SUCLG2: variants seen among roughly 807,000 people sequenced by gnomAD.
The protein encoded by SUCLG2 is succinate--CoA ligase [GDP-forming] subunit beta, mitochondrial.
Under a neutral mutation model 47.9 loss-of-function variants are expected in SUCLG2, and 42 were observed. That is an observed-to-expected ratio of 0.88 (90% CI 0.69 to 1.14). The LOEUF (loss-of-function observed/expected upper bound fraction) is 1.14, where lower values mean the gene tolerates loss of function less well. SUCLG2 is among the 50% of genes most tolerant of loss of function. SUCLG2 has a pLI of 0.00. For missense variants in SUCLG2, 571 were observed against 525.9 expected (o/e 1.09, Z -0.84); for synonymous variants, 195 against 197.3 (o/e 0.99, Z 0.10).
At chr3:67,586,790 A>G (rs185004912) in intron 2 of SUCLG2, among the ~76,000 whole-genome samples, 85 of 152,318 alleles carry the variant, frequency 5.6e-4, no homozygotes, top group Non-Finnish European at 1.0e-3. Context: ...TCAGAGATTT[A>G]AGTAACTTGT....
intron 10 of SUCLG2, among the ~76,000 whole-genome samples, chr3:67,366,740 T>TA (rs753795585): frequency 2.8e-4 from 43 of 152,144 alleles, no homozygotes; most frequent in Non-Finnish European, 5.4e-4. Context: ...AGCACTCTGT[T>TA]AGAGTTTGGG....
chr3:67,652,114 C>T (rs73836547), intron 1 of SUCLG2, among the ~76,000 whole-genome samples: 2,401 of 148,030 alleles, frequency 0.016, 64 homozygotes, highest in African/African-American at 0.057. Context: ...CCTTTAAGGA[C>T]GTACTATCAA....
At chr3:67,651,395 G>A (rs1188181778) in intron 1 of SUCLG2, among the ~76,000 whole-genome samples, 2 of 152,056 alleles carry the variant, frequency 1.3e-5, no homozygotes, top group Non-Finnish European at 2.9e-5. Context: ...TGTCTGCTCT[G>A]CCTAACACAC....
At chr3:67,511,602 G>GT (rs1705791984) in intron 6 of SUCLG2, among the ~76,000 whole-genome samples, 1 of 152,180 alleles carries the variant, frequency 6.6e-6, no homozygotes, top group Admixed American at 6.5e-5. Flanking sequence ...ATGTGGAATT[G>GT]TAAGTAAATT....
At chr3:67,545,519 A>G (rs1477474824) in intron 2 of SUCLG2, among the ~76,000 whole-genome samples, 2 of 152,188 alleles carry the variant, frequency 1.3e-5, no homozygotes, top group Non-Finnish European at 2.9e-5. Context: ...TTTGAAATCT[A>G]AGTCTATTGC....
chr3:67,438,509 AAG>A (rs961327660), intron 9 of SUCLG2, among the ~76,000 whole-genome samples: 21 of 152,182 alleles, frequency 1.4e-4, no homozygotes, highest in African/African-American at 4.6e-4. Flanking sequence ...ACTAATAAAG[AAG>A]AGAGAAGAAT....
intron 9 of SUCLG2, among the ~76,000 whole-genome samples, chr3:67,446,292 G>T (rs1170422601): frequency 5.3e-5 from 1 of 18,752 alleles, no homozygotes; most frequent in African/African-American, 1.6e-4. Context: ...GTTCATCCTT[G>T]GAAAGTGGAT....
intron 2 of SUCLG2, among the ~76,000 whole-genome samples, chr3:67,582,607 A>C (rs964511617): frequency 6.6e-6 from 1 of 152,124 alleles, no homozygotes; most frequent in African/African-American, 2.4e-5. Context: ...TGGCAGAATG[A>C]TTTACATTCC....
At position 67,654,542 on chromosome 3, in the gene SUCLG2, G is replaced by C; in HGVS notation, c.45C>G (p.Ala15=). 3 of 1,265,926 alleles carry C rather than the reference G, an allele frequency of 2.4e-6. No homozygotes were observed. The Admixed American group carries it at 1.1e-4, about 46-fold the overall frequency. 78.4% of individuals were successfully genotyped at this position (1,265,926 alleles called of 1,614,324 possible). ...VAAQAGKLLR[A]LALRPRFLAA... is the part of the protein sequence containing the mutation. Reference sequence around the variant, plus strand: ...CCAGGAAGCGGGGCCGCAGCGCTAGGGCTCGCAGAAGCTTCCCGGCCTGCG... The same window carrying C: ...CCAGGAAGCGGGGCCGCAGCGCTAGCGCTCGCAGAAGCTTCCCGGCCTGCG... The change falls in exon 1 of 11, where the codon GCC becomes GCG. Residue 15 remains alanine (A), a synonymous_variant. Transcript: ENST00000307227.
intron 9 of SUCLG2, among the ~76,000 whole-genome samples, chr3:67,434,693 A>G (rs1218275388): frequency 6.6e-6 from 1 of 152,238 alleles, no homozygotes; most frequent in African/African-American, 2.4e-5. Context: ...GATGGCAGTC[A>G]AATCTGAATA....
chr3:67,621,742 T>A (rs1700740602), intron 1 of SUCLG2, among the ~76,000 whole-genome samples: 3 of 151,920 alleles, frequency 2.0e-5, no homozygotes, highest in South Asian at 2.1e-4. Flanking sequence ...GCAGAAGAGG[T>A]CTCATCAGCA....
chr3:67,430,666 G>C (rs957165518), intron 9 of SUCLG2, among the ~76,000 whole-genome samples: 5 of 151,982 alleles, frequency 3.3e-5, no homozygotes, highest in African/African-American at 1.2e-4. Context: ...TCCAGGAGTT[G>C]GTTTTTTGAA....
intron 2 of SUCLG2, among the ~76,000 whole-genome samples, chr3:67,572,524 A>G (rs17046620): frequency 0.19 from 29,099 of 152,154 alleles, 3,092 homozygotes; most frequent in East Asian, 0.42. Flanking sequence ...ACAATTGTTC[A>G]ACAAAAGAAC....
rs148838251 is a variant in SUCLG2, at chr3:67,500,259, C to A, written c.758-1964G>T. Among the ~76,000 whole-genome samples the A allele has an allele frequency of 4.5e-3, 684 of 151,714 alleles. 12 individuals are homozygous for A. In the East Asian group the frequency reaches 0.06, roughly 13 times the overall value. ...GTATATGGCATCTTGGCGTTAGAGA[C>A]CCCAGGTAGAGGGTTTTCTCCAAGG... On this transcript the variant is annotated intron_variant, in intron 7 of 10. Transcript: ENST00000307227.
intron 9 of SUCLG2, among the ~76,000 whole-genome samples, chr3:67,449,317 T>C (rs911424877): frequency 6.6e-6 from 1 of 152,238 alleles, no homozygotes; most frequent in Non-Finnish European, 1.5e-5. Context: ...TTTGCTTTCA[T>C]AGGCTTGTGA....
At chr3:67,444,084 C>T (rs1175336372) in intron 9 of SUCLG2, among the ~76,000 whole-genome samples, 6 of 110,342 alleles carry the variant, frequency 5.4e-5, no homozygotes, top group African/African-American at 1.9e-4. Context: ...CCCGCCTGGC[C>T]AGCCGCGCCG....
chr3:67,504,181 T>C (rs1162474803), intron 7 of SUCLG2, among the ~76,000 whole-genome samples: 2 of 152,066 alleles, frequency 1.3e-5, no homozygotes, highest in Non-Finnish European at 2.9e-5. Flanking sequence ...AATATTGATG[T>C]TCTGAGAGTT....
intron 10 of SUCLG2, among the ~76,000 whole-genome samples, chr3:67,361,610 T>C (rs1002517444): frequency 2.0e-5 from 3 of 152,192 alleles, no homozygotes; most frequent in Admixed American, 2.0e-4. Flanking sequence ...TGGTACAGCC[T>C]GCAGCGACTA....
At chr3:67,482,450 C>T (rs77667115) in intron 9 of SUCLG2, among the ~76,000 whole-genome samples, 5 of 146,026 alleles carry the variant, frequency 3.4e-5, no homozygotes, top group Admixed American at 7.1e-5. Context: ...AGTATAAGTT[C>T]TCTTCATGTT....
Sources: allele counts gnomAD v4.1 joint callset (sites outside exome capture counted in the v4.1 genomes callset), GRCh38; gene constraint gnomAD v4.1.1; transcripts MANE v1.5; gene names NCBI Gene and HGNC (gene_info 2026-07-23, HGNC 2026-07-21).